Variants in MACROD2 observed in about 807,000 individuals in gnomAD.
MACROD2 encodes the protein mono-ADP ribosylhydrolase 2.
Under a neutral mutation model 70.4 loss-of-function variants are expected in MACROD2, and 36 were observed. That is an observed-to-expected ratio of 0.51 (90% CI 0.39 to 0.68). The LOEUF (loss-of-function observed/expected upper bound fraction) is 0.68. Among genes scored for constraint, MACROD2 ranks in the 30% least tolerant of loss-of-function variants. The pLI, the probability that MACROD2 is intolerant of heterozygous loss-of-function variation, is 0.00. For missense variants in MACROD2, 496 were observed against 538.4 expected, an observed-to-expected ratio of 0.92 and a Z score of 0.78; for synonymous variants, 172 against 178.8, an observed-to-expected ratio of 0.96 and a Z score of 0.30.
intron 8 of MACROD2, among the ~76,000 whole-genome samples, chr20:15,503,664 T>A (rs2047391383): frequency 6.6e-6 from 1 of 152,236 alleles, no homozygotes; most frequent in African/African-American, 2.4e-5. Context: ...CCCATGTCTC[T>A]GTTTCATTAT....
At chr20:14,793,144 C>A (rs1453782405) in intron 5 of MACROD2, among the ~76,000 whole-genome samples, 2 of 151,940 alleles carry the variant, frequency 1.3e-5, no homozygotes, top group African/African-American at 4.8e-5. Context: ...CATTTATTAA[C>A]CATCTGGCAT....
At chr20:14,642,105 A>G (rs909849793) in intron 4 of MACROD2, among the ~76,000 whole-genome samples, 1 of 152,242 alleles carries the variant, frequency 6.6e-6, no homozygotes, top group African/African-American at 2.4e-5. Flanking sequence ...AACTTGCTGC[A>G]TCAGCACTCG....
At chr20:15,493,669 A>G (rs1276881319) in intron 7 of MACROD2, among the ~76,000 whole-genome samples, 2 of 152,200 alleles carry the variant, frequency 1.3e-5, no homozygotes, top group East Asian at 1.9e-4. Context: ...AATATCAATA[A>G]CAGTAAAAAA....
chr20:14,881,086 C>T (rs936411912), intron 5 of MACROD2, among the ~76,000 whole-genome samples: 1 of 152,008 alleles, frequency 6.6e-6, no homozygotes. Context: ...GGAAGAGGTG[C>T]AATACATGTT....
chr20:14,410,920 A>T (rs1489203937), intron 3 of MACROD2, among the ~76,000 whole-genome samples: 1 of 152,114 alleles, frequency 6.6e-6, no homozygotes, highest in Non-Finnish European at 1.5e-5. Flanking sequence ...GCAGATGACC[A>T]TACCAACTTC....
At chr20:14,253,602 T>G (rs2082029189) in intron 3 of MACROD2, among the ~76,000 whole-genome samples, 1 of 152,094 alleles carries the variant, frequency 6.6e-6, no homozygotes, top group African/African-American at 2.4e-5. Flanking sequence ...TGTTATTACC[T>G]CCAAGCCTGT....
chr20:14,010,768 G>T (rs986749846), intron 2 of MACROD2, among the ~76,000 whole-genome samples: 5 of 151,914 alleles, frequency 3.3e-5, no homozygotes, highest in African/African-American at 9.7e-5. Context: ...AATTTCTCCA[G>T]GATCTGCATC....
chr20:16,008,040 A>G (rs1272832600), intron 15 of MACROD2, among the ~76,000 whole-genome samples: 4 of 152,122 alleles, frequency 2.6e-5, no homozygotes, highest in Non-Finnish European at 5.9e-5. Flanking sequence ...TGGGGAGCTC[A>G]CTATCTTTCG....
At chr20:14,756,116 G>A (rs892112026) in intron 5 of MACROD2, among the ~76,000 whole-genome samples, 26 of 152,188 alleles carry the variant, frequency 1.7e-4, no homozygotes, top group African/African-American at 6.3e-4. Flanking sequence ...GGCCTTACAT[G>A]ATTTGGCATC....
At chr20:14,708,500 T>C (rs11908097) in intron 5 of MACROD2, among the ~76,000 whole-genome samples, 26,429 of 152,236 alleles carry the variant, frequency 0.17, 2,872 homozygotes, top group Non-Finnish European at 0.24. Flanking sequence ...AATAAGAACA[T>C]GAAAGCAGCT....
At chr20:14,751,938 C>T (rs1401657387) in intron 5 of MACROD2, among the ~76,000 whole-genome samples, 1 of 151,964 alleles carries the variant, frequency 6.6e-6, no homozygotes, top group Non-Finnish European at 1.5e-5. Context: ...GTACTATAGG[C>T]TTTTGCCTTC....
intron 5 of MACROD2, among the ~76,000 whole-genome samples, chr20:15,166,587 A>C (rs996892345): frequency 2.6e-5 from 4 of 152,150 alleles, no homozygotes; most frequent in African/African-American, 9.6e-5. Flanking sequence ...AAGGAGACAA[A>C]GTATAAGATC....
At chr20:14,475,845 T>A (rs546974088) in intron 3 of MACROD2, among the ~76,000 whole-genome samples, 1 of 152,058 alleles carries the variant, frequency 6.6e-6, no homozygotes, top group South Asian at 2.1e-4. Context: ...CCTTTCAGAG[T>A]CTGATATAAC....
chr20:14,310,666 G>T (rs1183149113), intron 3 of MACROD2, among the ~76,000 whole-genome samples: 4 of 152,012 alleles, frequency 2.6e-5, no homozygotes, highest in Admixed American at 6.6e-5. Flanking sequence ...CCTCAGGCAG[G>T]TCCTTCAGGA....
At chr20:14,418,694 A>G (rs1213094314) in intron 3 of MACROD2, among the ~76,000 whole-genome samples, 1 of 152,234 alleles carries the variant, frequency 6.6e-6, no homozygotes, top group Non-Finnish European at 1.5e-5. Context: ...AATTTTCCCC[A>G]GGAGTGCTCT....
chr20:14,173,614 G>A (rs1478104287), intron 3 of MACROD2, among the ~76,000 whole-genome samples: 1 of 152,006 alleles, frequency 6.6e-6, no homozygotes, highest in East Asian at 1.9e-4. Flanking sequence ...TTCTTTTTCT[G>A]GCAATTCAGA....
At chr20:15,413,109 C>A (rs975401564) in intron 6 of MACROD2, among the ~76,000 whole-genome samples, 1 of 152,198 alleles carries the variant, frequency 6.6e-6, no homozygotes, top group Non-Finnish European at 1.5e-5. Context: ...TCTGCTCTTT[C>A]AATTCCTGGA....
intron 12 of MACROD2, among the ~76,000 whole-genome samples, chr20:15,948,027 T>C (rs2065849328): frequency 6.6e-6 from 1 of 152,074 alleles, no homozygotes; most frequent in Non-Finnish European, 1.5e-5. Flanking sequence ...AGAGCGGTCA[T>C]TGGCCAACCT....
chr20:14,902,567 G>A (rs1331129122), intron 5 of MACROD2, among the ~76,000 whole-genome samples: 4 of 152,310 alleles, frequency 2.6e-5, no homozygotes, highest in South Asian at 4.1e-4. Flanking sequence ...AATTAGTTCT[G>A]TAAGTCAGTC....
Sources: gnomAD v4.1 joint callset for allele counts (sites outside exome capture counted in the v4.1 genomes callset) on GRCh38, gnomAD v4.1.1 for gene constraint, MANE v1.5 for transcripts, NCBI Gene and HGNC (gene_info 2026-07-23, HGNC 2026-07-21) for gene names.